The following BNIP2 variants were observed in gnomAD, a reference collection of about 807,000 sequenced individuals.
BNIP2 encodes BCL2/adenovirus E1B 19 kDa protein-interacting protein 2.
In BNIP2, 36 loss-of-function variants were observed where a neutral mutation model predicts 43.4. That is an observed-to-expected ratio of 0.83 (90% CI 0.64 to 1.10). The LOEUF is 1.10. BNIP2 is among the 50% of genes least tolerant of loss of function. BNIP2 has a pLI of 0.00. For synonymous variants in BNIP2, 146 were observed against 121.0 expected (o/e 1.21, Z -1.35); for missense variants, 417 against 374.1 (o/e 1.11, Z -0.95).
chr15:59,667,201 T>G (rs1315435233), intron 9 of BNIP2, among the ~76,000 whole-genome samples: 1 of 152,212 alleles, frequency 6.6e-6, no homozygotes, highest in Non-Finnish European at 1.5e-5. Flanking sequence ...TATCACAAAG[T>G]CTACTAAATT....
chr15:59,675,140 T>C (rs770623027), intron 5 of BNIP2, among the ~76,000 whole-genome samples: 12 of 151,636 alleles, frequency 7.9e-5, no homozygotes, highest in Non-Finnish European at 7.4e-5. Context: ...TCCCACCTAC[T>C]TGGGAGGCTG....
intron 1 of BNIP2, chr15:59,688,704 G>A (rs1212284840): frequency 6.5e-7 from 1 of 1,535,024 alleles, no homozygotes; most frequent in Non-Finnish European, 8.7e-7. Context: ...CTGCTTCCGT[G>A]TCTATTCCCC....
At chr15:59,687,849 T>C (rs2142026472) in intron 1 of BNIP2, among the ~76,000 whole-genome samples, 1 of 152,124 alleles carries the variant, frequency 6.6e-6, no homozygotes, top group Non-Finnish European at 1.5e-5. Flanking sequence ...ATGACACTTG[T>C]GTTATCATCA....
At chr15:59,681,821 G>GAAAACA (rs1893693488) in intron 2 of BNIP2, among the ~76,000 whole-genome samples, 1 of 151,870 alleles carries the variant, frequency 6.6e-6, no homozygotes, top group South Asian at 2.1e-4. Flanking sequence ...TTGTTTAAAT[G>GAAAACA]AAAACAAAAA....
chr15:59,678,574 T>C (rs1335340949), intron 4 of BNIP2: 3 of 1,113,334 alleles, frequency 2.7e-6, no homozygotes, highest in Non-Finnish European at 2.2e-6. Context: ...ATCAGTTTTA[T>C]AAAGCAGAAA....
chr15:59,677,143 T>C (rs1184615549), intron 5 of BNIP2: 2 of 1,599,022 alleles, frequency 1.3e-6, no homozygotes, highest in Non-Finnish European at 8.6e-7. Flanking sequence ...GCTATTTACA[T>C]GCAGAAGGTG....
intron 1 of BNIP2, chr15:59,688,554 A>G: frequency 1.4e-6 from 1 of 722,402 alleles, no homozygotes; most frequent in Admixed American, 2.7e-5. Flanking sequence ...AAATGCATCC[A>G]GAAATCCAAA....
chr15:59,671,136 C>G, intron 7 of BNIP2, 47 bp downstream of exon 7: 1 of 1,476,032 alleles, frequency 6.8e-7, no homozygotes, highest in South Asian at 1.4e-5. Context: ...TTCCTAAAGC[C>G]ATTATAAAAT....
chr15:59,670,619 A>G (rs1323858626), intron 7 of BNIP2, among the ~76,000 whole-genome samples: 1 of 152,210 alleles, frequency 6.6e-6, no homozygotes, highest in Admixed American at 6.5e-5. Flanking sequence ...TTAAATAAGG[A>G]GAAATATAAA....
chr15:59,678,525 T>C (rs1363456784), intron 4 of BNIP2: 16 of 1,076,844 alleles, frequency 1.5e-5, no homozygotes, highest in East Asian at 8.4e-5. Flanking sequence ...TAATACCAGA[T>C]AGGAAGTGGT....
intron 4 of BNIP2, 178 bp from the exon 5 acceptor site, chr15:59,678,265 T>A (rs1893438154): frequency 7.5e-7 from 1 of 1,333,560 alleles, no homozygotes. Flanking sequence ...CTGTTTTATG[T>A]CTTTGGAAAT....
intron 7 of BNIP2, among the ~76,000 whole-genome samples, chr15:59,670,849 G>A (rs1216223435): frequency 6.6e-6 from 1 of 152,182 alleles, no homozygotes; most frequent in Non-Finnish European, 1.5e-5. Context: ...CGAGGCGGGT[G>A]GATCACCTAA....
chr15:59,661,068 G>A lies in BNIP2; in HGVS notation c.*3001C>T, dbSNP rs1892236050. Reference sequence around the variant, plus strand: ...AAGGACACACATGGCCGGGCGTGGTGGCTCAAGCCTGTAATCCAAGCATTT... The same window carrying A: ...AAGGACACACATGGCCGGGCGTGGTAGCTCAAGCCTGTAATCCAAGCATTT... On this transcript the variant is annotated 3_prime_UTR_variant, in exon 10 of 10. Coordinates refer to ENST00000607373, the MANE Select transcript of BNIP2 (RefSeq NM_004330.4). The A allele has an allele frequency of 1.3e-5, 2 of 152,164 alleles. No individual in the cohort carries two copies. Among genetic ancestry groups the A allele is most frequent in the African/African-American group, 2.4e-5 (1 of 41,434 alleles). The allele number at this position is 152,164 out of a possible 1,614,324, so 9.4% of individuals were successfully genotyped here. A position where few individuals can be genotyped will look rare whatever the true frequency, so the allele number is the denominator to read the frequency against.
intron 1 of BNIP2, chr15:59,688,504 G>A (rs1224475775): frequency 4.2e-6 from 2 of 475,628 alleles, no homozygotes; most frequent in Non-Finnish European, 7.4e-6. Context: ...TTTCGTCAAA[G>A]AGCTCACAAG....
Position 59,689,100 on chromosome 15 carries a change from A to G in BNIP2, c.-58+35T>C, listed in dbSNP as rs913561401. 9.8e-6 allele frequency: 15 copies of G among 1,524,690 alleles called. No individual in the cohort carries two copies. The African/African-American group carries it at 1.5e-4, about 15-fold the overall frequency. The allele number at this position is 1,524,690 out of a possible 1,614,324, so 94.4% of individuals were successfully genotyped here. On this transcript the variant is annotated intron_variant, in intron 1 of 9. Transcript: ENST00000607373. Reference sequence around the variant, plus strand: ...AGGCCGGTTCCCAGTCCAGCTCCGGAGCCACCGTGCCGAGTTCTCCCAGGC... The same window carrying G: ...AGGCCGGTTCCCAGTCCAGCTCCGGGGCCACCGTGCCGAGTTCTCCCAGGC...
chr15:59,672,274 T>G (rs1892982518), intron 6 of BNIP2: 1 of 162,746 alleles, frequency 6.1e-6, no homozygotes, highest in Admixed American at 6.3e-5. Context: ...TGAAAAGATC[T>G]GGGATATTTA....
At chr15:59,688,841 G>A (rs1894194656) in intron 1 of BNIP2, 4 of 1,528,654 alleles carry the variant, frequency 2.6e-6, no homozygotes, top group Admixed American at 4.0e-5. Context: ...TGGGGGAGCG[G>A]AGGAGGGGCA....
chr15:59,679,783 T>G lies in BNIP2; in HGVS notation c.119-15A>C, dbSNP rs766061979. Reference sequence around the variant, plus strand: ...TTCTAGTGAGCCTGGAATTGGAAAATAAAGAAAAAGATACGTAACAAGGAA... The same window carrying G: ...TTCTAGTGAGCCTGGAATTGGAAAAGAAAGAAAAAGATACGTAACAAGGAA... On this transcript the variant is annotated splice_polypyrimidine_tract_variant and intron_variant, in intron 3 of 9. Coordinates refer to ENST00000607373, the MANE Select transcript of BNIP2 (RefSeq NM_004330.4). 6.2e-6 allele frequency: 9 copies of G among 1,459,004 alleles called. No individual in the cohort carries two copies. In the East Asian group the frequency reaches 2.3e-4, roughly 38 times the overall value. 90.4% of individuals were successfully genotyped at this position (1,459,004 alleles called of 1,614,324 possible).
chr15:59,669,030 AC>A, intron 8 of BNIP2, 40 bp from the exon 9 acceptor site: 3 of 1,511,820 alleles, frequency 2.0e-6, no homozygotes, highest in Non-Finnish European at 2.7e-6. Context: ...CATATTTCTG[AC>A]AAATACAATG....
Sources: allele counts gnomAD v4.1 joint callset (sites outside exome capture counted in the v4.1 genomes callset), GRCh38; gene constraint gnomAD v4.1.1; transcripts MANE v1.5; gene names NCBI Gene and HGNC (gene_info 2026-07-23, HGNC 2026-07-21).